FGF13: variants seen among roughly 807,000 people sequenced by gnomAD.
FGF13 encodes the protein fibroblast growth factor homologous factor 2.
Under a neutral mutation model 19.5 loss-of-function variants are expected in FGF13, and 2 were observed. The ratio of observed to expected loss-of-function variants is 0.10; its 90% CI spans 0.04 to 0.32. The LOEUF is 0.32. FGF13 is among the 10% of genes least tolerant of loss of function. FGF13 has a pLI of 1.00. For synonymous variants in FGF13, 72 were observed against 76.9 expected (o/e 0.94, Z 0.33); for missense variants, 113 against 192.7 (o/e 0.59, Z 2.45).
At chrX:138,644,144 G>C (rs1222012062) in intron 3 of FGF13, among the ~76,000 whole-genome samples, 1 of 112,144 alleles carries the variant, frequency 8.9e-6, no homozygotes, top group African/African-American at 3.2e-5. Flanking sequence ...AATTTTCACA[G>C]AGATCCAACC....
intron 3 of FGF13, among the ~76,000 whole-genome samples, chrX:138,767,964 G>A (rs1407046114): frequency 8.9e-6 from 1 of 112,368 alleles, no homozygotes; most frequent in Non-Finnish European, 1.9e-5. Context: ...ACACTACCTG[G>A]CCAATGAAAC....
At chrX:138,882,179 A>G (rs1472848090) in intron 1 of FGF13, among the ~76,000 whole-genome samples, 1 of 110,654 alleles carries the variant, frequency 9.0e-6, no homozygotes, top group Non-Finnish European at 1.9e-5. Flanking sequence ...AAAATTCCTG[A>G]ATTTTCCAGG....
intron 1 of FGF13, among the ~76,000 whole-genome samples, chrX:139,002,474 C>T (rs1237292186): frequency 1.8e-5 from 2 of 111,076 alleles, no homozygotes; most frequent in Non-Finnish European, 3.8e-5. Context: ...CAAGGCAAGT[C>T]CTAGTGCTAA....
intron 1 of FGF13, among the ~76,000 whole-genome samples, chrX:139,146,635 C>T (rs1287457317): frequency 2.7e-5 from 3 of 112,053 alleles, no homozygotes; most frequent in African/African-American, 6.5e-5. Flanking sequence ...ACCCAAAGGA[C>T]TATAAATCAT....
chrX:138,927,240 T>C (rs2091678820), intron 1 of FGF13, among the ~76,000 whole-genome samples: 1 of 112,060 alleles, frequency 8.9e-6, no homozygotes, highest in South Asian at 3.8e-4. Flanking sequence ...ACTGTAACTT[T>C]TATTGTTACA....
intron 1 of FGF13, among the ~76,000 whole-genome samples, chrX:139,093,693 C>A (rs1172708847): frequency 2.7e-5 from 3 of 111,886 alleles, no homozygotes; most frequent in Non-Finnish European, 5.6e-5. Flanking sequence ...GTGGTTCCAG[C>A]CTGCTGGATT....
At chrX:138,912,295 G>A (rs1197880456) in intron 1 of FGF13, among the ~76,000 whole-genome samples, 3 of 110,878 alleles carry the variant, frequency 2.7e-5, no homozygotes, top group African/African-American at 6.6e-5. Context: ...TTTCACAATC[G>A]TTTTCTGTCG....
chrX:138,692,363 T>G (rs1018026040), intron 3 of FGF13, among the ~76,000 whole-genome samples: 2 of 109,082 alleles, frequency 1.8e-5, no homozygotes, highest in Non-Finnish European at 3.8e-5. Flanking sequence ...ACAAGGTTGA[T>G]GGGGAAAAAT....
At chrX:138,848,883 A>T (rs1032365403) in intron 3 of FGF13, among the ~76,000 whole-genome samples, 4 of 111,861 alleles carry the variant, frequency 3.6e-5, no homozygotes, top group Non-Finnish European at 7.5e-5. Flanking sequence ...AGTTCAGCTG[A>T]CATTACTTTT....
intron 1 of FGF13, among the ~76,000 whole-genome samples, chrX:138,922,158 C>A (rs866494135): frequency 9.5e-6 from 1 of 105,651 alleles, no homozygotes; most frequent in Non-Finnish European, 1.9e-5. Flanking sequence ...TATTTTCTCA[C>A]ACAAAAAAAA....
intron 4 of FGF13, 39 bp from the exon 5 acceptor site, chrX:138,633,025 T>C: frequency 8.5e-7 from 1 of 1,181,788 alleles, no homozygotes; most frequent in Admixed American, 2.3e-5. Context: ...GGCCTTCAAA[T>C]GGGCATACCA....
chrX:138,846,221 GTA>G (rs1485978435), intron 3 of FGF13, among the ~76,000 whole-genome samples: 1 of 107,589 alleles, frequency 9.3e-6, no homozygotes, highest in Non-Finnish European at 1.9e-5. Flanking sequence ...GTGTGTGTGT[GTA>G]TTCAAACCCT....
chrX:138,708,007 C>CA (rs754765534), intron 2 of FGF13, among the ~76,000 whole-genome samples: 1 of 111,109 alleles, frequency 9.0e-6, no homozygotes, highest in Non-Finnish European at 1.9e-5. Flanking sequence ...TTGGAGAAAA[C>CA]AAAAAAAATT....
chrX:138,875,077 T>A (rs1337441000), intron 1 of FGF13, among the ~76,000 whole-genome samples: 1 of 109,169 alleles, frequency 9.2e-6, no homozygotes, highest in Non-Finnish European at 1.9e-5. Flanking sequence ...CCGTCTCTAC[T>A]AAAAATTAGC....
intron 1 of FGF13, among the ~76,000 whole-genome samples, chrX:139,008,850 A>G (rs767979224): frequency 5.4e-5 from 6 of 112,101 alleles, no homozygotes; most frequent in Non-Finnish European, 7.5e-5. Flanking sequence ...AGCCAAGATA[A>G]AAATCTCTGA....
chrX:139,098,952 A>T (rs1325372108), intron 1 of FGF13, among the ~76,000 whole-genome samples: 1 of 111,800 alleles, frequency 8.9e-6, no homozygotes, highest in Non-Finnish European at 1.9e-5. Context: ...CTCTTCACCT[A>T]TCTAGCAATG....
intron 1 of FGF13, among the ~76,000 whole-genome samples, chrX:138,988,992 G>A (rs951006419): frequency 4.5e-5 from 5 of 111,790 alleles, no homozygotes; most frequent in Non-Finnish European, 9.4e-5. Flanking sequence ...GAGGGCTAAG[G>A]TTTTTATACT....
intron 3 of FGF13, among the ~76,000 whole-genome samples, chrX:138,799,360 T>G: frequency 8.9e-6 from 1 of 112,234 alleles, no homozygotes; most frequent in Admixed American, 9.5e-5. Context: ...TTCCATGTAG[T>G]TGTGCAGTTT....
intron 3 of FGF13, among the ~76,000 whole-genome samples, chrX:138,698,806 C>T (rs2089920099): frequency 1.8e-5 from 2 of 111,483 alleles, no homozygotes; most frequent in South Asian, 7.6e-4. Flanking sequence ...GTAAAGGGGA[C>T]AAGTTATTTA....
Sources: allele counts gnomAD v4.1 joint callset (sites outside exome capture counted in the v4.1 genomes callset), GRCh38; gene constraint gnomAD v4.1.1; transcripts MANE v1.5; gene names NCBI Gene and HGNC (gene_info 2026-07-23, HGNC 2026-07-21).